FAM222B: variants seen among roughly 807,000 people sequenced by gnomAD.
FAM222B encodes the protein family with sequence similarity 222 member B.
Under a neutral mutation model 38.0 loss-of-function variants are expected in FAM222B, and 12 were observed. The observed-to-expected ratio is 0.32, with a 90% CI of 0.20 to 0.51. The LOEUF is 0.51. Ranked by LOEUF, FAM222B falls within the 20% of genes least tolerant of loss-of-function variation. The probability of loss-of-function intolerance (pLI) is 0.97; values close to 1 mark genes in which losing one functional copy is unlikely to be tolerated. For missense variants in FAM222B, 716 were observed against 754.2 expected, an observed-to-expected ratio of 0.95 and a Z score of 0.59; for synonymous variants, 329 against 317.2, an observed-to-expected ratio of 1.04 and a Z score of -0.40.
rs577001995 is a variant in FAM222B, at chr17:28,783,004, G to C, written c.-40-16297C>G. 5.3e-5 allele frequency among the ~76,000 whole-genome samples: 8 copies of C among 152,060 alleles called. No individual in the cohort carries two copies. In the South Asian group the frequency reaches 1.2e-3, roughly 24 times the overall value. Reference sequence around the variant, plus strand: ...ATACAAAAAATTAGCCGGGTGAGGCGGTGGGTGCCTGTAGCCCCAGCTACT... The same window carrying C: ...ATACAAAAAATTAGCCGGGTGAGGCCGTGGGTGCCTGTAGCCCCAGCTACT... On this transcript the variant is annotated intron_variant, in intron 1 of 2. Coordinates refer to ENST00000581407, the MANE Select transcript of FAM222B (RefSeq NM_001077498.3).
At chr17:28,764,989 T>A (rs1310611087) in intron 2 of FAM222B, among the ~76,000 whole-genome samples, 1 of 152,222 alleles carries the variant, frequency 6.6e-6, no homozygotes, top group African/African-American at 2.4e-5. Context: ...GCAGTTAGGA[T>A]GCTGATTTGG....
At chr17:28,844,330 A>G (rs2039124381), upstream of FAM222B, among the ~76,000 whole-genome samples, 1 of 152,180 alleles carries the variant, frequency 6.6e-6, no homozygotes, top group African/African-American at 2.4e-5. Flanking sequence ...AGAGAAGAAA[A>G]AAAGACAAGT....
At chr17:28,779,420 AG>A (rs2036060401) in intron 1 of FAM222B, among the ~76,000 whole-genome samples, 1 of 152,200 alleles carries the variant, frequency 6.6e-6, no homozygotes, top group Admixed American at 6.6e-5. Flanking sequence ...AGCAAAGTGA[AG>A]GGCAAAAACC....
At chr17:28,808,754 A>C (rs1468502693) in intron 1 of FAM222B, among the ~76,000 whole-genome samples, 1 of 152,214 alleles carries the variant, frequency 6.6e-6, no homozygotes, top group Non-Finnish European at 1.5e-5. Context: ...ACCATCACCC[A>C]CATCTCCATA....
intron 1 of FAM222B, among the ~76,000 whole-genome samples, chr17:28,792,176 A>T (rs1003669194): frequency 1.3e-5 from 2 of 151,402 alleles, no homozygotes; most frequent in Non-Finnish European, 2.9e-5. Context: ...GCTGGGCGTG[A>T]TGGCAGGCGC....
chr17:28,840,249 C>G (rs1278797318), intron 1 of FAM222B, among the ~76,000 whole-genome samples: 1 of 151,988 alleles, frequency 6.6e-6, no homozygotes, highest in African/African-American at 2.4e-5. Flanking sequence ...TGCCTGTAAT[C>G]GCAACTACTT....
rs1339511777 is a variant in FAM222B, at chr17:28,830,213, G to A, written c.-41+12469C>T. ...GTCTCACTCTGTTGCCCAGGCTGGA[G>A]TGCAGTGGCGCGATCTTGGCTCACC... On this transcript the variant is annotated intron_variant, in intron 1 of 2. Coordinates refer to ENST00000581407, the MANE Select transcript of FAM222B (RefSeq NM_001077498.3). 2.1e-5 allele frequency among the ~76,000 whole-genome samples: 3 copies of A among 146,064 alleles called. 1 individual carries two copies. Among genetic ancestry groups the A allele is most frequent in the African/African-American group, 7.7e-5 (3 of 38,928 alleles).
Position 28,840,538 on chromosome 17 carries a change from G to T in FAM222B, c.-41+2144C>A, listed in dbSNP as rs924533139. 2.0e-5 allele frequency among the ~76,000 whole-genome samples: 3 copies of T among 152,220 alleles called. No individual in the cohort carries two copies. The South Asian group carries it at 6.2e-4, about 32-fold the overall frequency. On this transcript the variant is annotated intron_variant, in intron 1 of 2. Coordinates refer to ENST00000581407, the MANE Select transcript of FAM222B (RefSeq NM_001077498.3). ...GATATTCCACCTGAGAGATCCCACT[G>T]ACAAGCAGGGTAACAAAAAGCAGAG...
intron 1 of FAM222B, among the ~76,000 whole-genome samples, chr17:28,793,953 T>C (rs764905302): frequency 1.3e-5 from 2 of 152,072 alleles, no homozygotes; most frequent in Non-Finnish European, 1.5e-5. Flanking sequence ...TTCTCCATGT[T>C]GGTCAGGCTG....
intron 1 of FAM222B, among the ~76,000 whole-genome samples, chr17:28,804,989 T>C (rs906755292): frequency 1.3e-5 from 2 of 150,922 alleles, no homozygotes; most frequent in Non-Finnish European, 2.9e-5. Flanking sequence ...GAGCTTGCAG[T>C]GAGCCGAGAT....
At chr17:28,783,955 C>T (rs974086080) in intron 1 of FAM222B, among the ~76,000 whole-genome samples, 3 of 151,396 alleles carry the variant, frequency 2.0e-5, no homozygotes, top group Admixed American at 6.6e-5. Flanking sequence ...CCTGCCACCA[C>T]GCCTGGTTAA....
At chr17:28,830,834 T>A (rs527889997) in intron 1 of FAM222B, among the ~76,000 whole-genome samples, 25 of 148,480 alleles carry the variant, frequency 1.7e-4, no homozygotes, top group East Asian at 3.9e-4. Context: ...AAAAAAAAAA[T>A]AAAATAAAAT....
intron 1 of FAM222B, among the ~76,000 whole-genome samples, chr17:28,788,985 G>C (rs2036538955): frequency 7.1e-6 from 1 of 141,130 alleles, no homozygotes; most frequent in East Asian, 2.3e-4. Flanking sequence ...GATTTCAGGT[G>C]ATCTGCCTGC....
At chr17:28,773,399 A>G (rs942297015) in intron 1 of FAM222B, among the ~76,000 whole-genome samples, 1 of 148,104 alleles carries the variant, frequency 6.8e-6, no homozygotes, top group Admixed American at 6.8e-5. Context: ...GAATTGCTTG[A>G]ACCTGGGAGG....
At chr17:28,803,935 C>A (rs139782795) in intron 1 of FAM222B, among the ~76,000 whole-genome samples, 1 of 151,948 alleles carries the variant, frequency 6.6e-6, no homozygotes, top group African/African-American at 2.4e-5. Context: ...AAGCCGAGAT[C>A]ATGCCACTGC....
chr17:28,852,728 T>G (rs1439620109), intron 1 of FAM222B, among the ~76,000 whole-genome samples: 1 of 151,992 alleles, frequency 6.6e-6, no homozygotes, highest in Non-Finnish European at 1.5e-5. Context: ...TATCCAAGGG[T>G]TCAGCATCCA....
At chr17:28,773,479 C>CAAAAAA (rs66716142) in intron 1 of FAM222B, among the ~76,000 whole-genome samples, 1 of 60,756 alleles carries the variant, frequency 1.6e-5, no homozygotes, top group Non-Finnish European at 2.8e-5. Context: ...AACTCTGTCT[C>CAAAAAA]AAAAAAAAAA....
intron 1 of FAM222B, among the ~76,000 whole-genome samples, chr17:28,823,125 G>A (rs1014665106): frequency 9.3e-5 from 14 of 151,160 alleles, no homozygotes; most frequent in African/African-American, 3.2e-4. Context: ...GACACAGGAA[G>A]TTTTCAAGGA....
intron 1 of FAM222B, among the ~76,000 whole-genome samples, chr17:28,783,016 T>C (rs2036229123): frequency 6.6e-6 from 1 of 151,680 alleles, no homozygotes; most frequent in Non-Finnish European, 1.5e-5. Flanking sequence ...TGGGTGCCTG[T>C]AGCCCCAGCT....
Sources: gnomAD v4.1 joint callset for allele counts (sites outside exome capture counted in the v4.1 genomes callset) on GRCh38, gnomAD v4.1.1 for gene constraint, MANE v1.5 for transcripts, NCBI Gene and HGNC (gene_info 2026-07-23, HGNC 2026-07-21) for gene names.